Variants in ARHGEF3 observed in about 807,000 individuals in gnomAD.
ARHGEF3 encodes 59.8 kDA protein.
ARHGEF3 carries 28 observed loss-of-function variants against 63.2 expected under a neutral mutation model. The ratio of observed to expected loss-of-function variants is 0.44; its 90% confidence interval spans 0.33 to 0.61. The LOEUF (loss-of-function observed/expected upper bound fraction) is 0.61. Ranked by LOEUF, ARHGEF3 falls within the 20% of genes least tolerant of loss-of-function variation. ARHGEF3 has a pLI of 0.03. For synonymous variants in ARHGEF3, 266 were observed against 254.2 expected (o/e 1.05, Z -0.44); for missense variants, 533 against 659.3 (o/e 0.81, Z 2.10).
At chr3:56,962,701 A>G (rs1005638573) in intron 2 of ARHGEF3, among the ~76,000 whole-genome samples, 2 of 152,342 alleles carry the variant, frequency 1.3e-5, no homozygotes, top group Middle Eastern at 3.4e-3. Flanking sequence ...GGTGGGAAAG[A>G]AAAGCCACAA....
intron 8 of ARHGEF3, among the ~76,000 whole-genome samples, chr3:56,736,611 A>C (rs1298823048): frequency 4.6e-5 from 7 of 152,208 alleles, no homozygotes; most frequent in Admixed American, 3.3e-4. Context: ...GACAGATGTT[A>C]ACTGTTCTGC....
chr3:56,946,122 A>G (rs1224307892), intron 3 of ARHGEF3, among the ~76,000 whole-genome samples: 2 of 152,176 alleles, frequency 1.3e-5, no homozygotes, highest in Non-Finnish European at 2.9e-5. Flanking sequence ...CCAAAACCCC[A>G]TCTGTACGTC....
chr3:56,796,592 G>A (rs1299178615), intron 1 of ARHGEF3, among the ~76,000 whole-genome samples: 1 of 152,184 alleles, frequency 6.6e-6, no homozygotes, highest in Non-Finnish European at 1.5e-5. Context: ...CTAATGGTGG[G>A]GTTTCCTACC....
intron 2 of ARHGEF3, among the ~76,000 whole-genome samples, chr3:56,967,486 A>G (rs1397904797): frequency 5.0e-4 from 45 of 89,352 alleles, no homozygotes; most frequent in Non-Finnish European, 7.3e-4. Flanking sequence ...ATTATATAAT[A>G]TATTAAATAT....
chr3:56,873,265 G>A (rs1305454469), intron 4 of ARHGEF3, among the ~76,000 whole-genome samples: 1 of 151,130 alleles, frequency 6.6e-6, no homozygotes, highest in African/African-American at 2.4e-5. Flanking sequence ...TATATGTCAG[G>A]TTTGTTGCAT....
intron 4 of ARHGEF3, among the ~76,000 whole-genome samples, chr3:56,814,214 C>T (rs1021878547): frequency 6.6e-6 from 1 of 152,200 alleles, no homozygotes; most frequent in African/African-American, 2.4e-5. Context: ...ACCCATGGCC[C>T]ACAGGCTGCA....
chr3:57,011,891 G>A (rs1463700174), intron 2 of ARHGEF3, among the ~76,000 whole-genome samples: 1 of 152,172 alleles, frequency 6.6e-6, no homozygotes, highest in African/African-American at 2.4e-5. Context: ...TGCACTATGA[G>A]GAAGGAAGAA....
intron 1 of ARHGEF3, among the ~76,000 whole-genome samples, chr3:56,796,470 G>A (rs745734379): frequency 2.0e-5 from 3 of 152,176 alleles, no homozygotes; most frequent in Non-Finnish European, 4.4e-5. Context: ...CCAGCTCCTT[G>A]GTCTTGAGAA....
chr3:56,759,962 C>G (rs2035326326), intron 2 of ARHGEF3, among the ~76,000 whole-genome samples: 1 of 152,208 alleles, frequency 6.6e-6, no homozygotes, highest in Non-Finnish European at 1.5e-5. Context: ...TTCACGTATT[C>G]TTTTTAATGG....
At chr3:56,892,985 G>A (rs2041174355) in intron 3 of ARHGEF3, among the ~76,000 whole-genome samples, 1 of 152,202 alleles carries the variant, frequency 6.6e-6, no homozygotes. Context: ...ATGAAAAATG[G>A]TAGAGAAACG....
At chr3:56,764,615 T>A (rs895293949) in intron 2 of ARHGEF3, among the ~76,000 whole-genome samples, 5 of 152,136 alleles carry the variant, frequency 3.3e-5, no homozygotes, top group African/African-American at 1.2e-4. Flanking sequence ...ATGAATCCTA[T>A]CTTGCAGAGT....
chr3:57,047,268 A>C (rs1054163541), intron 1 of ARHGEF3, among the ~76,000 whole-genome samples: 1 of 152,196 alleles, frequency 6.6e-6, no homozygotes, highest in African/African-American at 2.4e-5. Context: ...GAATCACTTG[A>C]ACCGGGAGGT....
chr3:56,874,182 TC>T (rs1472723271), intron 4 of ARHGEF3, among the ~76,000 whole-genome samples: 2 of 152,336 alleles, frequency 1.3e-5, no homozygotes, highest in East Asian at 3.9e-4. Flanking sequence ...ACATAGGGTA[TC>T]TGCTACCTTA....
chr3:56,863,211 CA>C (rs2040137770), intron 4 of ARHGEF3, among the ~76,000 whole-genome samples: 2 of 151,896 alleles, frequency 1.3e-5, no homozygotes, highest in South Asian at 4.2e-4. Flanking sequence ...GATCTCGGCA[CA>C]CTATAACCTC....
intron 4 of ARHGEF3, among the ~76,000 whole-genome samples, chr3:56,808,386 A>G (rs2037943717): frequency 6.6e-6 from 1 of 152,176 alleles, no homozygotes; most frequent in South Asian, 2.1e-4. Flanking sequence ...GTTCGAGACC[A>G]GCCTGAACAA....
chr3:56,774,136 C>T (rs1260062448), intron 1 of ARHGEF3, among the ~76,000 whole-genome samples: 2 of 152,172 alleles, frequency 1.3e-5, no homozygotes, highest in South Asian at 4.2e-4. Flanking sequence ...CCAGTCTCCC[C>T]ACCCCTTCTG....
intron 3 of ARHGEF3, among the ~76,000 whole-genome samples, chr3:56,955,057 A>G (rs1318972664): frequency 1.3e-5 from 2 of 152,058 alleles, no homozygotes; most frequent in Non-Finnish European, 2.9e-5. Context: ...TCTCCTCGAG[A>G]GCAATATGGT....
At chr3:57,023,744 A>G (rs1180729463) in intron 2 of ARHGEF3, among the ~76,000 whole-genome samples, 1 of 152,160 alleles carries the variant, frequency 6.6e-6, no homozygotes, top group Non-Finnish European at 1.5e-5. Flanking sequence ...TTACCTGGCT[A>G]TCCCTCACAG....
At chr3:57,030,093 C>T (rs1703670207) in intron 2 of ARHGEF3, among the ~76,000 whole-genome samples, 1 of 152,242 alleles carries the variant, frequency 6.6e-6, no homozygotes, top group Admixed American at 6.5e-5. Context: ...ACAAACCAGC[C>T]TAACCCTGCA....
Sources: gnomAD v4.1 joint callset for allele counts (sites outside exome capture counted in the v4.1 genomes callset) on GRCh38, gnomAD v4.1.1 for gene constraint, MANE v1.5 for transcripts, NCBI Gene and HGNC (gene_info 2026-07-23, HGNC 2026-07-21) for gene names.